The following MTUS2 variants were observed in gnomAD, a reference collection of about 807,000 sequenced individuals.
The protein encoded by MTUS2 is microtubule associated scaffold protein 2, also known as microtubule-associated tumor suppressor candidate 2.
MTUS2 carries 40 observed loss-of-function variants against 114.1 expected under a neutral mutation model. That is an observed-to-expected ratio of 0.35 (90% CI 0.27 to 0.46). The LOEUF is 0.46. Ranked by LOEUF, MTUS2 falls within the 20% of genes least tolerant of loss-of-function variation. MTUS2 has a pLI of 1.00. For synonymous variants in MTUS2, 688 were observed against 672.0 expected (o/e 1.02, Z -0.37); for missense variants, 1,679 against 1,705.4 (o/e 0.98, Z 0.27).
rs1898984957 is a variant in MTUS2 at position 29,297,188 on chromosome 13, T to C, written c.2806+15323T>C. ...TGTATAGTTTCTTAATATCATTTAA[T>C]GAAGAGACTTGCATTTTACCTAATG... On this transcript the variant is annotated intron_variant, in intron 6 of 15. Transcript: ENST00000612955. Among the ~76,000 whole-genome samples, 3 of 152,198 alleles carry C rather than the reference T, an allele frequency of 2.0e-5. No homozygotes were observed. In the South Asian group the frequency reaches 6.2e-4, roughly 32 times the overall value.
intron 9 of MTUS2, among the ~76,000 whole-genome samples, chr13:29,464,247 A>G (rs1879731403): frequency 6.6e-6 from 1 of 152,256 alleles, no homozygotes; most frequent in Admixed American, 6.5e-5. Context: ...AGAGATGTGG[A>G]GGATGAGAAG....
In MTUS2 at chr13:28,910,586, G is replaced by A. The variant is rs187754833; in HGVS notation, c.-243+70736G>A. Among the ~76,000 whole-genome samples the A allele has an allele frequency of 2.0e-3, 301 of 151,298 alleles. 2 individuals are homozygous for A. Among genetic ancestry groups the A allele is most frequent in the Non-Finnish European group, 2.6e-3 (178 of 67,930 alleles). On this transcript the variant is annotated intron_variant, in intron 2 of 15. Coordinates refer to ENST00000612955, the MANE Select transcript of MTUS2 (RefSeq NM_001033602.4). ...CCCAGTTTGTGTTGTTCCCCTCCAT[G>A]TGTTCTCATCGTTAAGCTCTCACTT...
intron 5 of MTUS2, among the ~76,000 whole-genome samples, chr13:29,160,629 G>A (rs745636386): frequency 2.0e-5 from 3 of 152,156 alleles, no homozygotes; most frequent in Non-Finnish European, 4.4e-5. Flanking sequence ...AATTAGCTGG[G>A]CATGGTGGTG....
chr13:29,161,423 A>G (rs1049714343), intron 5 of MTUS2, among the ~76,000 whole-genome samples: 54 of 151,292 alleles, frequency 3.6e-4, no homozygotes, highest in Non-Finnish European at 5.6e-4. Context: ...GCATAATTAT[A>G]TAACATATAT....
intron 1 of MTUS2, among the ~76,000 whole-genome samples, chr13:28,838,171 A>G (rs182272625): frequency 6.0e-4 from 91 of 152,366 alleles, no homozygotes; most frequent in Non-Finnish European, 1.1e-3. Flanking sequence ...TGCAAAAACA[A>G]AACAATTTAT....
chr13:29,220,740 T>C (rs2139320507), intron 5 of MTUS2, among the ~76,000 whole-genome samples: 2 of 152,196 alleles, frequency 1.3e-5, no homozygotes, highest in Middle Eastern at 3.4e-3. Context: ...AATGAAAAAG[T>C]TTGAAAGATT....
intron 2 of MTUS2, among the ~76,000 whole-genome samples, chr13:28,866,949 G>A (rs1038429310): frequency 6.6e-6 from 1 of 152,166 alleles, no homozygotes; most frequent in Non-Finnish European, 1.5e-5. Flanking sequence ...CAGTAGGATC[G>A]TGAATAAATC....
At chr13:28,892,061 A>G (rs1266483150) in intron 2 of MTUS2, among the ~76,000 whole-genome samples, 2 of 151,420 alleles carry the variant, frequency 1.3e-5, no homozygotes, top group East Asian at 3.9e-4. Context: ...TTTCTCAGCA[A>G]CTCCCACAGC....
In MTUS2 at chr13:29,319,524, G is replaced by A. The variant is rs191023614; in HGVS notation, c.2807-5089G>A. ...GTCTAGTAAATCCAGCAAAATTCCC[G>A]AGGTAGGGCTGTCATCGTCCCAACT... On this transcript the variant is annotated intron_variant, in intron 6 of 15. Coordinates refer to ENST00000612955, the MANE Select transcript of MTUS2 (RefSeq NM_001033602.4). Among the ~76,000 whole-genome samples the A allele has an allele frequency of 3.8e-3, 580 of 152,266 alleles. 3 individuals carry two copies. The highest frequency in any genetic ancestry group is 0.013 in the African/African-American group (547 of 41,558).
intron 1 of MTUS2, among the ~76,000 whole-genome samples, chr13:28,832,830 C>A (rs1404864070): frequency 6.6e-6 from 1 of 151,346 alleles, no homozygotes; most frequent in East Asian, 1.9e-4. Context: ...ATTTACAAAT[C>A]TTTACCTAAC....
chr13:29,097,271 A>G (rs1335509787), intron 4 of MTUS2, among the ~76,000 whole-genome samples: 1 of 152,198 alleles, frequency 6.6e-6, no homozygotes, highest in Non-Finnish European at 1.5e-5. Context: ...TAAGTGCTAC[A>G]TGTTCATAGA....
At chr13:29,114,649 G>T (rs1168572783) in intron 5 of MTUS2, among the ~76,000 whole-genome samples, 1 of 152,156 alleles carries the variant, frequency 6.6e-6, no homozygotes, top group Admixed American at 6.5e-5. Context: ...AGATGGCCAT[G>T]GTAGGGAATA....
chr13:29,088,201 CT>C (rs563660862), intron 4 of MTUS2, among the ~76,000 whole-genome samples: 1 of 151,984 alleles, frequency 6.6e-6, no homozygotes, highest in Non-Finnish European at 1.5e-5. Context: ...GTTTCAAAGA[CT>C]TTTTTATTTG....
chr13:29,379,908 A>C (rs1346801192), intron 8 of MTUS2, among the ~76,000 whole-genome samples: 1 of 152,268 alleles, frequency 6.6e-6, no homozygotes, highest in African/African-American at 2.4e-5. Flanking sequence ...GAAGTTATGA[A>C]GTTCATACAT....
intron 6 of MTUS2, among the ~76,000 whole-genome samples, chr13:29,299,547 T>C (rs577506563): frequency 4.6e-5 from 7 of 152,272 alleles, no homozygotes; most frequent in African/African-American, 1.7e-4. Flanking sequence ...TGCTAAGTGC[T>C]GTGAAAGGGA....
intron 5 of MTUS2, among the ~76,000 whole-genome samples, chr13:29,227,509 G>T (rs1195023866): frequency 6.6e-6 from 1 of 152,212 alleles, no homozygotes; most frequent in Non-Finnish European, 1.5e-5. Flanking sequence ...AAGAAGCCAA[G>T]AATTAAATCA....
At chr13:29,325,638 A>G (rs1280322369) in intron 7 of MTUS2, among the ~76,000 whole-genome samples, 1 of 152,200 alleles carries the variant, frequency 6.6e-6, no homozygotes, top group Non-Finnish European at 1.5e-5. Context: ...ATTGTAGAAC[A>G]GTATGTAACA....
At chr13:29,058,566 C>T (rs1482215477) in intron 4 of MTUS2, among the ~76,000 whole-genome samples, 3 of 116,660 alleles carry the variant, frequency 2.6e-5, no homozygotes, top group South Asian at 2.5e-4. Context: ...CAGGTTGATG[C>T]TTTTTTTTTT....
intron 2 of MTUS2, among the ~76,000 whole-genome samples, chr13:29,008,317 A>G (rs999272487): frequency 1.1e-4 from 16 of 152,166 alleles, no homozygotes; most frequent in South Asian, 6.2e-4. Context: ...AAGAGTTCCA[A>G]AACCCCTTGG....
Sources: gnomAD v4.1 joint callset for allele counts (sites outside exome capture counted in the v4.1 genomes callset) on GRCh38, gnomAD v4.1.1 for gene constraint, MANE v1.5 for transcripts, NCBI Gene and HGNC (gene_info 2026-07-23, HGNC 2026-07-21) for gene names.